PRUNE2: variants seen among roughly 807,000 people sequenced by gnomAD.
The protein encoded by PRUNE2 is prune homolog 2 with BCH domain.
In PRUNE2, 164 loss-of-function variants were observed where a neutral mutation model predicts 252.0. That is an observed-to-expected ratio of 0.65 (90% CI 0.57 to 0.74). The LOEUF (loss-of-function observed/expected upper bound fraction) is 0.74. PRUNE2 is among the 30% of genes least tolerant of loss of function. The pLI is 0.00. For missense variants in PRUNE2, 3,495 were observed against 3,711.0 expected, an observed-to-expected ratio of 0.94 and a Z score of 1.51; for synonymous variants, 1,292 against 1,350.2, an observed-to-expected ratio of 0.96 and a Z score of 0.94.
chr9:76,703,031 C>A (rs1461687512), intron 9 of PRUNE2, among the ~76,000 whole-genome samples: 1 of 152,146 alleles, frequency 6.6e-6, no homozygotes. Flanking sequence ...GTTAGTGTCA[C>A]TTCCTTGTAT....
At chr9:76,625,973 T>A (rs1424286796) in intron 16 of PRUNE2, among the ~76,000 whole-genome samples, 1 of 152,184 alleles carries the variant, frequency 6.6e-6, no homozygotes, top group African/African-American at 2.4e-5. Flanking sequence ...GTGTATTAGA[T>A]AAGCTTTGTT....
chr9:76,615,774 T>TTTTTG (rs1356621845), intron 18 of PRUNE2, among the ~76,000 whole-genome samples: 3 of 136,082 alleles, frequency 2.2e-5, no homozygotes, highest in Non-Finnish European at 1.6e-5. Flanking sequence ...GTGTGGTTTT[T>TTTTTG]TTTTTTTTTT....
intron 7 of PRUNE2, 32 bp downstream of exon 7, chr9:76,713,531 G>T (rs201121819): frequency 1.8e-5 from 29 of 1,582,122 alleles, no homozygotes; most frequent in Non-Finnish European, 2.4e-5. Flanking sequence ...TTAGGACAGA[G>T]GGAACATGAC....
intron 12 of PRUNE2, 130 bp downstream of exon 12, chr9:76,644,609 T>G (rs1236900584): frequency 1.2e-6 from 1 of 821,432 alleles, no homozygotes; most frequent in Non-Finnish European, 2.1e-6. Flanking sequence ...GCTCTATAGT[T>G]CCCTGAATAT....
intron 10 of PRUNE2, among the ~76,000 whole-genome samples, chr9:76,654,421 C>CAAGT (rs1054250943): frequency 1.8e-4 from 28 of 152,110 alleles, no homozygotes; most frequent in African/African-American, 6.8e-4. Context: ...TTTCTATTGA[C>CAAGT]AAGTAAGTTT....
At chr9:76,820,817 C>T (rs944073031) in intron 6 of PRUNE2, among the ~76,000 whole-genome samples, 18 of 152,122 alleles carry the variant, frequency 1.2e-4, no homozygotes, top group Admixed American at 1.2e-3. Context: ...AAGTAGGCTG[C>T]TTTGGATGCC....
chr9:76,743,558 G>A (rs1161931764), intron 6 of PRUNE2, among the ~76,000 whole-genome samples: 2 of 151,622 alleles, frequency 1.3e-5, no homozygotes, highest in African/African-American at 2.4e-5. Flanking sequence ...TCCCTCTTGG[G>A]GGAACAGTCC....
intron 6 of PRUNE2, chr9:76,739,647 A>G (rs929611658): frequency 1.3e-5 from 2 of 152,138 alleles, no homozygotes; most frequent in African/African-American, 4.8e-5. Flanking sequence ...ATATATATGC[A>G]TCAAAATATA....
chr9:76,794,307 T>C (rs1401367391), intron 6 of PRUNE2, among the ~76,000 whole-genome samples: 1 of 152,114 alleles, frequency 6.6e-6, no homozygotes, highest in Non-Finnish European at 1.5e-5. Context: ...CTGGAGGCAG[T>C]AAGGTGGTGG....
chr9:76,695,711 C>G (rs1029105599), intron 9 of PRUNE2, among the ~76,000 whole-genome samples: 10 of 152,084 alleles, frequency 6.6e-5, no homozygotes, highest in African/African-American at 1.9e-4. Context: ...AGCAAACTAC[C>G]CTTTCTTTTC....
intron 16 of PRUNE2, chr9:76,624,956 A>G: frequency 9.6e-7 from 1 of 1,040,000 alleles, no homozygotes; most frequent in Non-Finnish European, 1.3e-6. Flanking sequence ...TGTTGAGGTC[A>G]CCCACAAGTA....
intron 9 of PRUNE2, among the ~76,000 whole-genome samples, chr9:76,702,803 A>C (rs1232172180): frequency 6.6e-6 from 1 of 152,214 alleles, no homozygotes; most frequent in African/African-American, 2.4e-5. Flanking sequence ...CTGTATGCTA[A>C]GCGGTGTGTC....
intron 6 of PRUNE2, among the ~76,000 whole-genome samples, chr9:76,781,719 T>G (rs533037975): frequency 8.5e-5 from 13 of 152,350 alleles, no homozygotes; most frequent in African/African-American, 2.9e-4. Context: ...GGATAAGAAT[T>G]ATGTGTATTT....
At chr9:76,905,873 CT>C in intron 1 of PRUNE2, 54 bp downstream of exon 1, 1 of 1,610,980 alleles carries the variant, frequency 6.2e-7, no homozygotes, top group Non-Finnish European at 8.5e-7. Flanking sequence ...TCCTCTCCAC[CT>C]TTCCATTAGC....
At chr9:76,715,162 G>A (rs1232909613) in intron 6 of PRUNE2, among the ~76,000 whole-genome samples, 3 of 152,210 alleles carry the variant, frequency 2.0e-5, no homozygotes, top group Admixed American at 6.5e-5. Flanking sequence ...AGATGTGAAC[G>A]ATGCCGTGCA....
In PRUNE2 at chr9:76,711,075, A is replaced by G; in HGVS notation, c.1199T>C (p.Val400Ala). 6.2e-7 allele frequency: 1 copy of G among 1,614,026 alleles called. No individual in the cohort carries two copies. The highest frequency in any genetic ancestry group is 8.5e-7 in the Non-Finnish European group (1 of 1,179,880). The change falls in exon 8 of 19, where the codon GTG becomes GCG. Residue 400 changes from valine (V) to alanine (A), a missense_variant. Transcript: ENST00000376718. ...GSDIEPQPSS[V>A]NFIENPPDLN... Reference sequence around the variant, plus strand: ...ATCTGGAGGGTTCTCTATGAAATTCACAGAGCTGGGTTGTGGCTCTATGTC... The same window carrying G: ...ATCTGGAGGGTTCTCTATGAAATTCGCAGAGCTGGGTTGTGGCTCTATGTC...
intron 1 of PRUNE2, chr9:76,862,410 T>C (rs1481466445): frequency 6.6e-6 from 1 of 152,228 alleles, no homozygotes; most frequent in Non-Finnish European, 1.5e-5. Context: ...TGAACATATG[T>C]CTAGGTCACA....
At chr9:76,773,218 A>ACT (rs1184144332) in intron 6 of PRUNE2, among the ~76,000 whole-genome samples, 34 of 152,336 alleles carry the variant, frequency 2.2e-4, no homozygotes, top group Middle Eastern at 3.4e-3. Context: ...ACTTTGAATT[A>ACT]CTGTGTGCAC....
chr9:76,822,771 C>T (rs964939692), intron 6 of PRUNE2, among the ~76,000 whole-genome samples: 2 of 152,014 alleles, frequency 1.3e-5, no homozygotes, highest in Admixed American at 1.3e-4. Context: ...GGTGCCACTG[C>T]ACTCCAGCCT....
Sources: gnomAD v4.1 joint callset for allele counts (sites outside exome capture counted in the v4.1 genomes callset) on GRCh38, gnomAD v4.1.1 for gene constraint, MANE v1.5 for transcripts, NCBI Gene and HGNC (gene_info 2026-07-23, HGNC 2026-07-21) for gene names.